The following SCRG1 variants were observed in gnomAD, a reference collection of about 807,000 sequenced individuals.
SCRG1 encodes scrapie-responsive protein 1.
SCRG1 carries 3 observed loss-of-function variants against 7.7 expected under a neutral mutation model. The observed-to-expected ratio is 0.39, with a 90% CI of 0.18 to 1.01. SCRG1 has a LOEUF of 1.01. SCRG1 is among the 50% of genes least tolerant of loss of function. The pLI is 0.36. For synonymous variants in SCRG1, 46 were observed against 41.2 expected (o/e 1.12, Z -0.44); for missense variants, 110 against 117.2 (o/e 0.94, Z 0.28).
the SCRG1 span, among the ~76,000 whole-genome samples, chr4:173,424,969 A>C: frequency 0.051 from 7,400 of 146,362 alleles, 246 homozygotes; most frequent in South Asian, 0.088. Flanking sequence ...ATGTTGAATG[A>C]CTTTGTAAAC....
the SCRG1 span, among the ~76,000 whole-genome samples, chr4:173,498,597 T>C: frequency 6.6e-6 from 1 of 152,246 alleles, no homozygotes; most frequent in Non-Finnish European, 1.5e-5. Context: ...TTGGCTTTGC[T>C]GCTTCCATAT....
At chr4:173,483,666 ATAATATATATGATATATTATATTG>A in the SCRG1 span, among the ~76,000 whole-genome samples, 1 of 18,148 alleles carries the variant, frequency 5.5e-5, no homozygotes, top group African/African-American at 1.5e-4. Flanking sequence ...ATTGTGATAT[ATAATATATATGATATATTATATTG>A]TGATATATCA....
chr4:173,478,471 T>C, the SCRG1 span, among the ~76,000 whole-genome samples: 1 of 152,162 alleles, frequency 6.6e-6, no homozygotes, highest in East Asian at 1.9e-4. Context: ...AGTTTTCTAG[T>C]GTCCAGAGAG....
At position 173,388,366 on chromosome 4, in the gene SCRG1, A is replaced by G. The variant is rs1560828087; in HGVS notation, c.272T>C (p.Phe91Ser). The change falls in exon 3 of 3, where the codon TTC becomes TCC. Residue 91 changes from phenylalanine to serine, a missense_variant. Phe to Ser is a radical substitution (Grantham distance 155). Transcript: ENST00000296506. The stretch of plus-strand genomic sequence containing the variant: ...TCATTGATTGTTGCAAGGAATCACG[A>G]AAGAGATCTTTGGTCCAAAGAAAAC... The part of the protein sequence containing the change: ...KDVFFGPKIS[F>S]VIPCNNQ 1.2e-6 allele frequency: 2 copies of G among 1,612,542 alleles called. No individual in the cohort carries two copies. The highest frequency in any genetic ancestry group is 1.1e-5 in the South Asian group (1 of 90,712).
chr4:173,393,166 TAAAGG>T (rs536696838), intron 1 of SCRG1, among the ~76,000 whole-genome samples: 143 of 152,346 alleles, frequency 9.4e-4, no homozygotes, highest in African/African-American at 3.2e-3. Flanking sequence ...AGGTATCTTT[TAAAGG>T]TAAGTCATTT....
chr4:173,410,184 G>A (rs7687292), upstream of SCRG1, among the ~76,000 whole-genome samples: 1 of 152,200 alleles, frequency 6.6e-6, no homozygotes, highest in African/African-American at 2.4e-5. Context: ...ACACCAGAGC[G>A]TAGAGGTTTG....
the SCRG1 span, among the ~76,000 whole-genome samples, chr4:173,498,468 C>T: frequency 5.3e-5 from 8 of 152,308 alleles, no homozygotes; most frequent in Admixed American, 3.9e-4. Flanking sequence ...CTGAAGAAAT[C>T]AGTTCCCTGG....
chr4:173,429,993 G>A, the SCRG1 span, among the ~76,000 whole-genome samples: 99 of 28,532 alleles, frequency 3.5e-3, no homozygotes, highest in African/African-American at 6.5e-3. Context: ...TCTTTTGATG[G>A]CTATGGGTTT....
At chr4:173,405,206 T>C (rs914260612) in intron 1 of SCRG1, among the ~76,000 whole-genome samples, 1 of 152,178 alleles carries the variant, frequency 6.6e-6, no homozygotes, top group Non-Finnish European at 1.5e-5. Flanking sequence ...GGAATACTGG[T>C]CAAGTATTTT....
the SCRG1 span, among the ~76,000 whole-genome samples, chr4:173,459,385 T>C: frequency 6.6e-6 from 1 of 152,210 alleles, no homozygotes; most frequent in East Asian, 1.9e-4. Context: ...TTAATGTATT[T>C]AAAATAATTA....
chr4:173,470,193 A>G, the SCRG1 span, among the ~76,000 whole-genome samples: 1 of 141,046 alleles, frequency 7.1e-6, no homozygotes, highest in African/African-American at 2.8e-5. Flanking sequence ...GTTGTTTAAG[A>G]TATCATTGGT....
the SCRG1 span, among the ~76,000 whole-genome samples, chr4:173,436,290 C>T: frequency 2.0e-5 from 3 of 152,164 alleles, no homozygotes; most frequent in Non-Finnish European, 1.5e-5. Context: ...TTCAAGTGCA[C>T]TTTCATAATT....
the SCRG1 span, among the ~76,000 whole-genome samples, chr4:173,433,028 A>C: frequency 1.3e-5 from 2 of 152,208 alleles, no homozygotes; most frequent in African/African-American, 4.8e-5. Flanking sequence ...AAAAAAATAG[A>C]ATTGGATTTA....
chr4:173,418,030 C>T, the SCRG1 span, among the ~76,000 whole-genome samples: 1 of 152,110 alleles, frequency 6.6e-6, no homozygotes, highest in Non-Finnish European at 1.5e-5. Context: ...TCAGCTATAA[C>T]TCTGATGGGC....
the SCRG1 span, among the ~76,000 whole-genome samples, chr4:173,462,573 C>A: frequency 6.6e-6 from 1 of 151,994 alleles, no homozygotes; most frequent in African/African-American, 2.4e-5. Flanking sequence ...GTACCTCAAT[C>A]AGAAAGAAAA....
chr4:173,443,049 T>G, the SCRG1 span, among the ~76,000 whole-genome samples: 65 of 152,276 alleles, frequency 4.3e-4, no homozygotes, highest in South Asian at 3.9e-3. Context: ...TACCTAAAAG[T>G]GGTAGTTTTG....
At chr4:173,394,691 T>C (rs765500974) in intron 1 of SCRG1, among the ~76,000 whole-genome samples, 1 of 152,192 alleles carries the variant, frequency 6.6e-6, no homozygotes, top group Non-Finnish European at 1.5e-5. Flanking sequence ...AATAACAACT[T>C]AACTTCAATC....
chr4:173,470,330 T>C, the SCRG1 span, among the ~76,000 whole-genome samples: 89,721 of 151,938 alleles, frequency 0.59, 29,028 homozygotes, highest in Non-Finnish European at 0.73. Context: ...GCAGGTCATA[T>C]GAGAGATGCA....
chr4:173,452,277 T>C, the SCRG1 span, among the ~76,000 whole-genome samples: 1 of 152,154 alleles, frequency 6.6e-6, no homozygotes, highest in African/African-American at 2.4e-5. Flanking sequence ...AAAATATATT[T>C]ACTATTCATT....
Sources: allele counts gnomAD v4.1 joint callset (sites outside exome capture counted in the v4.1 genomes callset), GRCh38; gene constraint gnomAD v4.1.1; transcripts MANE v1.5; gene names NCBI Gene and HGNC (gene_info 2026-07-23, HGNC 2026-07-21).